POC1B: variants seen among roughly 807,000 people sequenced by gnomAD.
The protein encoded by POC1B is POC1 centriolar protein homolog B.
POC1B carries 44 observed loss-of-function variants against 60.6 expected under a neutral mutation model. The observed-to-expected ratio is 0.73, with a 90% CI of 0.57 to 0.93. POC1B has a LOEUF of 0.93. Ranked by LOEUF, POC1B falls within the 40% of genes least tolerant of loss-of-function variation. The probability of loss-of-function intolerance (pLI) is 0.00; values close to 1 mark genes in which losing one functional copy is unlikely to be tolerated. For synonymous variants in POC1B, 180 were observed against 198.9 expected (o/e 0.90, Z 0.80); for missense variants, 555 against 572.3 (o/e 0.97, Z 0.31).
chr12:89,469,575 TC>T (rs1882809679), intron 7 of POC1B, among the ~76,000 whole-genome samples: 1 of 152,150 alleles, frequency 6.6e-6, no homozygotes, highest in Non-Finnish European at 1.5e-5. Context: ...GAATGGCTAC[TC>T]CCAAAGGCAG....
intron 4 of POC1B, among the ~76,000 whole-genome samples, chr12:89,475,278 G>C (rs1310333984): frequency 1.3e-5 from 2 of 152,170 alleles, no homozygotes; most frequent in Non-Finnish European, 2.9e-5. Flanking sequence ...AAATTTCCCA[G>C]AGCAAAATAA....
At chr12:89,473,338 G>GA (rs1366694936) in intron 4 of POC1B, among the ~76,000 whole-genome samples, 1 of 152,104 alleles carries the variant, frequency 6.6e-6, no homozygotes, top group Non-Finnish European at 1.5e-5. Flanking sequence ...GATTCACACA[G>GA]AAAAAAGGCA....
chr12:89,469,208 C>T (rs1437021948), intron 7 of POC1B, among the ~76,000 whole-genome samples: 2 of 151,928 alleles, frequency 1.3e-5, no homozygotes, highest in South Asian at 2.1e-4. Context: ...TACAGTGAGC[C>T]GAGATTGTGC....
chr12:89,414,561 A>G, the POC1B span, among the ~76,000 whole-genome samples: 1 of 152,232 alleles, frequency 6.6e-6, no homozygotes, highest in African/African-American at 2.4e-5. Flanking sequence ...TTCACTGTAC[A>G]TTCATAAATC....
downstream of POC1B, among the ~76,000 whole-genome samples, chr12:89,416,609 G>A (rs1486903316): frequency 6.6e-6 from 1 of 152,140 alleles, no homozygotes; most frequent in East Asian, 1.9e-4. Flanking sequence ...AGCAGTGGAG[G>A]GGGATGGAGA....
At chr12:89,475,729 C>CA (rs1360765939) in intron 4 of POC1B, among the ~76,000 whole-genome samples, 2 of 151,984 alleles carry the variant, frequency 1.3e-5, no homozygotes, top group Non-Finnish European at 2.9e-5. Flanking sequence ...TAGTACCACC[C>CA]AACTGCCTTT....
chr12:89,490,951 C>G (rs1398213123), intron 4 of POC1B, among the ~76,000 whole-genome samples: 6 of 152,000 alleles, frequency 3.9e-5, no homozygotes, highest in Non-Finnish European at 8.8e-5. Context: ...CTAACAAGGT[C>G]TCCCTGCTTC....
intron 10 of POC1B, among the ~76,000 whole-genome samples, chr12:89,452,006 C>G (rs1428429338): frequency 1.3e-5 from 2 of 152,134 alleles, no homozygotes; most frequent in Non-Finnish European, 2.9e-5. Flanking sequence ...CAGGGAGCTA[C>G]GGTAGTAATT....
At chr12:89,459,930 C>T (rs2120805978) in intron 9 of POC1B, 1 of 490,152 alleles carries the variant, frequency 2.0e-6, no homozygotes, top group Non-Finnish European at 3.6e-6. Flanking sequence ...AGGTTGAATT[C>T]ACCCCAGAAA....
At chr12:89,423,796 T>C (rs959891529) in intron 11 of POC1B, among the ~76,000 whole-genome samples, 2 of 152,168 alleles carry the variant, frequency 1.3e-5, no homozygotes, top group Non-Finnish European at 2.9e-5. Context: ...CAGCTTAAAG[T>C]GATTTATTTA....
chr12:89,525,852 GA>G, intron 1 of POC1B, 28 bp downstream of exon 1: 1 of 1,411,548 alleles, frequency 7.1e-7, no homozygotes, highest in Non-Finnish European at 9.3e-7. Flanking sequence ...TCCAGGGAGG[GA>G]CCCCCCCCAC....
At chr12:89,524,798 C>T (rs1871276953) in intron 2 of POC1B, 1 of 616,636 alleles carries the variant, frequency 1.6e-6, no homozygotes, top group Non-Finnish European at 2.9e-6. Flanking sequence ...CACAAACTCT[C>T]CAGCCAACAC....
At chr12:89,421,845 C>T (rs534112534) in intron 11 of POC1B, among the ~76,000 whole-genome samples, 8 of 152,296 alleles carry the variant, frequency 5.3e-5, no homozygotes, top group African/African-American at 9.6e-5. Flanking sequence ...AAAATGCTTA[C>T]GCTAGTGTTG....
intron 4 of POC1B, among the ~76,000 whole-genome samples, chr12:89,483,141 A>T (rs1868442528): frequency 6.6e-6 from 1 of 152,016 alleles, no homozygotes; most frequent in Admixed American, 6.6e-5. Context: ...GTCTCAGGTG[A>T]TCCACCCACC....
At chr12:89,476,739 TAGATAGATAGATAGATAGATAGACAGAC>T (rs1436196892) in intron 4 of POC1B, among the ~76,000 whole-genome samples, 13 of 132,604 alleles carry the variant, frequency 9.8e-5, no homozygotes, top group Admixed American at 5.3e-4. Flanking sequence ...GATAGATAGA[TAGATAGATAGATAGATAGATAGACAGAC>T]AGACAGACAG....
At chr12:89,482,089 G>T (rs1381686640) in intron 4 of POC1B, among the ~76,000 whole-genome samples, 1 of 152,172 alleles carries the variant, frequency 6.6e-6, no homozygotes, top group African/African-American at 2.4e-5. Context: ...AGAAAAATTT[G>T]ACCCAGATAT....
At chr12:89,406,066 A>G in the POC1B span, among the ~76,000 whole-genome samples, 1 of 148,798 alleles carries the variant, frequency 6.7e-6, no homozygotes, top group Admixed American at 6.8e-5. Context: ...AACTATGTTC[A>G]AGACTGAAAG....
chr12:89,506,340 G>A (rs1025655500), intron 2 of POC1B, among the ~76,000 whole-genome samples: 1 of 152,224 alleles, frequency 6.6e-6, no homozygotes, highest in Non-Finnish European at 1.5e-5. Flanking sequence ...TGCAATTTAT[G>A]CCTGCCACAT....
downstream of POC1B, among the ~76,000 whole-genome samples, chr12:89,417,871 ATTC>A (rs1350361580): frequency 6.6e-6 from 1 of 152,212 alleles, no homozygotes; most frequent in Non-Finnish European, 1.5e-5. Context: ...CTGCTGAGGC[ATTC>A]TGCTCAGGAA....
Sources: gnomAD v4.1 joint callset for allele counts (sites outside exome capture counted in the v4.1 genomes callset) on GRCh38, gnomAD v4.1.1 for gene constraint, MANE v1.5 for transcripts, NCBI Gene and HGNC (gene_info 2026-07-23, HGNC 2026-07-21) for gene names.